Variants in WDR89 observed in about 807,000 individuals in gnomAD.
WDR89 encodes the protein WD repeat-containing protein 89.
A neutral mutation model predicts 29.1 loss-of-function variants in WDR89; 17 were observed. The ratio of observed to expected loss-of-function variants is 0.58; its 90% CI spans 0.40 to 0.88. The LOEUF (loss-of-function observed/expected upper bound fraction) is 0.88, where lower values mean the gene tolerates loss of function less well. Among genes scored for constraint, WDR89 ranks in the 40% least tolerant of loss-of-function variants. The pLI is 0.00. For synonymous variants in WDR89, 138 were observed against 157.8 expected, an observed-to-expected ratio of 0.87 and a Z score of 0.94; for missense variants, 396 against 456.3, an observed-to-expected ratio of 0.87 and a Z score of 1.20.
chr14:63,616,957 G>GT (rs1355548998), intron 2 of WDR89, among the ~76,000 whole-genome samples: 2 of 151,854 alleles, frequency 1.3e-5, no homozygotes, highest in Non-Finnish European at 2.9e-5. Flanking sequence ...ACTGCAAGTG[G>GT]TGTGAGAGAA....
chr14:63,629,479 G>C (rs1266197140), intron 1 of WDR89, among the ~76,000 whole-genome samples: 2 of 152,154 alleles, frequency 1.3e-5, no homozygotes, highest in Non-Finnish European at 2.9e-5. Context: ...GACAATCAGT[G>C]GTTCTTCCTT....
chr14:63,610,219 T>TAA (rs56984803), intron 2 of WDR89, among the ~76,000 whole-genome samples: 27 of 65,278 alleles, frequency 4.1e-4, no homozygotes, highest in Admixed American at 7.5e-4. Flanking sequence ...GACTCTGTCT[T>TAA]AAAAAAAAAA....
intron 1 of WDR89, among the ~76,000 whole-genome samples, chr14:63,635,327 C>T (rs1261016773): frequency 6.6e-6 from 1 of 152,132 alleles, no homozygotes; most frequent in African/African-American, 2.4e-5. Flanking sequence ...GTTTAACATA[C>T]ACAAGTCAAT....
intron 2 of WDR89, among the ~76,000 whole-genome samples, chr14:63,605,076 G>C (rs1318488480): frequency 6.6e-6 from 1 of 152,114 alleles, no homozygotes; most frequent in East Asian, 1.9e-4. Flanking sequence ...TTGAGCCCGG[G>C]AGGCTGAGGC....
intron 1 of WDR89, among the ~76,000 whole-genome samples, chr14:63,625,407 CAATTCATCAAACTACATACTTA>C (rs59225914): frequency 0.092 from 13,917 of 152,050 alleles, 1,250 homozygotes; most frequent in African/African-American, 0.24. Flanking sequence ...TACATACTTA[CAATTCATCAAACTACATACTTA>C]CATGTCAATT....
chr14:63,612,369 G>A (rs7359073), intron 2 of WDR89, among the ~76,000 whole-genome samples: 7,855 of 148,126 alleles, frequency 0.053, 308 homozygotes, highest in African/African-American at 0.11. Context: ...TCTGTCGCCC[G>A]GGCTAGAGTG....
At chr14:63,611,051 A>G (rs979943941) in intron 2 of WDR89, among the ~76,000 whole-genome samples, 2 of 151,936 alleles carry the variant, frequency 1.3e-5, no homozygotes, top group Non-Finnish European at 2.9e-5. Flanking sequence ...AAAAGTTTCA[A>G]GATCATACCA....
chr14:63,613,821 CT>C (rs751893850), intron 2 of WDR89, among the ~76,000 whole-genome samples: 6,489 of 121,006 alleles, frequency 0.054, 395 homozygotes, highest in African/African-American at 0.15. Context: ...TTTTAAACAT[CT>C]TTTTTTTTTT....
At chr14:63,619,702 T>G (rs1595029112) in intron 2 of WDR89, among the ~76,000 whole-genome samples, 1 of 151,510 alleles carries the variant, frequency 6.6e-6, no homozygotes, top group Non-Finnish European at 1.5e-5. Flanking sequence ...AGTATGAAGG[T>G]TCCTAAAAAA....
intron 1 of WDR89, among the ~76,000 whole-genome samples, chr14:63,638,368 G>C (rs1478757424): frequency 6.6e-6 from 1 of 152,228 alleles, no homozygotes; most frequent in African/African-American, 2.4e-5. Context: ...GGGAACATCA[G>C]TTGAGCCCAA....
chr14:63,618,894 A>C (rs1882491755), intron 2 of WDR89, among the ~76,000 whole-genome samples: 1 of 152,184 alleles, frequency 6.6e-6, no homozygotes, highest in Non-Finnish European at 1.5e-5. Flanking sequence ...TCGGGGAAAA[A>C]AGGAATAATG....
intron 1 of WDR89, among the ~76,000 whole-genome samples, chr14:63,637,952 A>T (rs531770948): frequency 5.8e-4 from 85 of 147,754 alleles, no homozygotes; most frequent in Middle Eastern, 7.1e-3. Context: ...TTACGGAAAA[A>T]TTTTTTTTTT....
At chr14:63,603,792 T>G (rs1895190058) in intron 2 of WDR89, among the ~76,000 whole-genome samples, 1 of 152,196 alleles carries the variant, frequency 6.6e-6, no homozygotes, top group Admixed American at 6.6e-5. Context: ...TTCCTTCAAC[T>G]TAAGTATTCA....
chr14:63,612,377 G>T (rs7150547), intron 2 of WDR89, among the ~76,000 whole-genome samples: 2,350 of 150,692 alleles, frequency 0.016, 63 homozygotes, highest in African/African-American at 0.049. Context: ...CCGGGCTAGA[G>T]TGTAGTGGTG....
intron 2 of WDR89, among the ~76,000 whole-genome samples, chr14:63,604,920 G>A (rs1895238304): frequency 1.3e-5 from 2 of 152,050 alleles, no homozygotes; most frequent in Admixed American, 1.3e-4. Context: ...CGGGCAGCCA[G>A]GCAGATCACT....
chr14:63,627,071 T>G (rs980469307), intron 1 of WDR89, among the ~76,000 whole-genome samples: 2 of 151,672 alleles, frequency 1.3e-5, no homozygotes, highest in African/African-American at 4.9e-5. Context: ...CAGTGAGCAA[T>G]GACTGTGTCA....
At chr14:63,618,968 A>G (rs1435432016) in intron 2 of WDR89, among the ~76,000 whole-genome samples, 3 of 152,172 alleles carry the variant, frequency 2.0e-5, no homozygotes, top group African/African-American at 4.8e-5. Flanking sequence ...CAAGTTAACA[A>G]TGAAATGTGG....
At chr14:63,636,816 A>C (rs547671648) in intron 1 of WDR89, among the ~76,000 whole-genome samples, 1 of 152,346 alleles carries the variant, frequency 6.6e-6, no homozygotes, top group Non-Finnish European at 1.5e-5. Context: ...ACAATTCTAG[A>C]AGACAACATT....
At chr14:63,605,004 G>A (rs1311955155) in intron 2 of WDR89, among the ~76,000 whole-genome samples, 2 of 152,014 alleles carry the variant, frequency 1.3e-5, no homozygotes, top group African/African-American at 4.8e-5. Flanking sequence ...ACAAAAATTA[G>A]CCAGGCATGG....
Sources: gnomAD v4.1 joint callset for allele counts (sites outside exome capture counted in the v4.1 genomes callset) on GRCh38, gnomAD v4.1.1 for gene constraint, MANE v1.5 for transcripts, NCBI Gene and HGNC (gene_info 2026-07-23, HGNC 2026-07-21) for gene names.